Variants in CDH12 observed in about 807,000 individuals in gnomAD.
The protein encoded by CDH12 is cadherin-12.
In CDH12, 41 loss-of-function variants were observed where a neutral mutation model predicts 74.1. The observed-to-expected ratio is 0.55, with a 90% CI of 0.43 to 0.72. The LOEUF (loss-of-function observed/expected upper bound fraction) is 0.72, where lower values mean the gene tolerates loss of function less well. CDH12 is among the 30% of genes least tolerant of loss of function. CDH12 has a pLI of 0.00. For missense variants in CDH12, 945 were observed against 977.2 expected, an observed-to-expected ratio of 0.97 and a Z score of 0.44; for synonymous variants, 399 against 355.0, an observed-to-expected ratio of 1.12 and a Z score of -1.39.
At chr5:21,901,043 G>T (rs1000565014) in intron 6 of CDH12, among the ~76,000 whole-genome samples, 6 of 152,106 alleles carry the variant, frequency 3.9e-5, no homozygotes, top group Non-Finnish European at 7.4e-5. Context: ...GAATTTAAAC[G>T]TTTGATTTAA....
chr5:21,758,876 G>GAAAC (rs1744553211), intron 13 of CDH12, among the ~76,000 whole-genome samples: 2 of 152,160 alleles, frequency 1.3e-5, no homozygotes, highest in African/African-American at 4.8e-5. Context: ...AGCAGAAAAC[G>GAAAC]AAACACCATA....
chr5:22,698,726 T>G (rs1221454761), intron 1 of CDH12, among the ~76,000 whole-genome samples: 5,187 of 16,366 alleles, frequency 0.32, 886 homozygotes, highest in Middle Eastern at 0.46. Flanking sequence ...TATATATATA[T>G]ATATATATAG....
At chr5:22,812,215 G>C (rs913252052) in intron 1 of CDH12, among the ~76,000 whole-genome samples, 1 of 152,070 alleles carries the variant, frequency 6.6e-6, no homozygotes, top group Non-Finnish European at 1.5e-5. Flanking sequence ...AAAAGCTGAG[G>C]CTCTCCGCTC....
intron 8 of CDH12, among the ~76,000 whole-genome samples, chr5:21,821,993 T>G: frequency 6.6e-6 from 1 of 151,904 alleles, no homozygotes; most frequent in South Asian, 2.1e-4. Flanking sequence ...GTAAACAACA[T>G]ATTGTGTGAG....
intron 5 of CDH12, among the ~76,000 whole-genome samples, chr5:22,055,922 AT>A (rs1157795147): frequency 1.3e-5 from 2 of 152,162 alleles, no homozygotes; most frequent in Non-Finnish European, 2.9e-5. Flanking sequence ...ATGTTTGCAC[AT>A]ATTGATAAAA....
At chr5:21,889,771 C>A in intron 6 of CDH12, 1 of 984,602 alleles carries the variant, frequency 1.0e-6, no homozygotes, top group East Asian at 1.1e-4. Context: ...TAGGAAGTAA[C>A]CATGTCCATA....
chr5:22,382,837 TA>T (rs1249397832), intron 3 of CDH12, among the ~76,000 whole-genome samples: 12 of 152,042 alleles, frequency 7.9e-5, no homozygotes, highest in South Asian at 4.1e-4. Context: ...TTATTATTAT[TA>T]TTATTTTTTG....
At chr5:22,566,532 C>T (rs765459002) in intron 1 of CDH12, among the ~76,000 whole-genome samples, 11 of 152,072 alleles carry the variant, frequency 7.2e-5, no homozygotes, top group Non-Finnish European at 1.0e-4. Context: ...GCCACCGCGC[C>T]CAGCTACTAT....
At chr5:22,178,146 G>T (rs999863806) in intron 4 of CDH12, among the ~76,000 whole-genome samples, 2 of 152,132 alleles carry the variant, frequency 1.3e-5, no homozygotes, top group South Asian at 2.1e-4. Context: ...AGATCTAATT[G>T]GTCATGCCCC....
chr5:21,752,900 C>T lies in CDH12; in HGVS notation c.1886-664G>A, dbSNP rs535267286. ...TAAAGCATTAATTTCAATTCTGTGTCCTGCCATATTGAGAAAGTTTTTAAA... is the reference window on the plus strand; with the variant it reads ...TAAAGCATTAATTTCAATTCTGTGTTCTGCCATATTGAGAAAGTTTTTAAA... On this transcript the variant is annotated intron_variant, in intron 14 of 14. Coordinates refer to ENST00000382254, the MANE Select transcript of CDH12 (RefSeq NM_004061.5). 2.6e-5 allele frequency among the ~76,000 whole-genome samples: 4 copies of T among 152,238 alleles called. No homozygotes were observed. In the East Asian group the frequency reaches 7.7e-4, roughly 29 times the overall value.
intron 1 of CDH12, among the ~76,000 whole-genome samples, chr5:22,670,785 G>T (rs768754340): frequency 6.6e-5 from 10 of 151,812 alleles, no homozygotes; most frequent in Non-Finnish European, 1.5e-4. Context: ...TAGGTGTTTG[G>T]TTCCTCCCAT....
chr5:22,438,288 T>A (rs1248215797), intron 2 of CDH12, among the ~76,000 whole-genome samples: 1 of 152,038 alleles, frequency 6.6e-6, no homozygotes, highest in African/African-American at 2.4e-5. Context: ...TCATTTTTTC[T>A]CCTACAGAAT....
At chr5:22,445,507 C>T (rs144197034) in intron 2 of CDH12, among the ~76,000 whole-genome samples, 90 of 152,230 alleles carry the variant, frequency 5.9e-4, no homozygotes, top group Middle Eastern at 6.8e-3. Context: ...TTGAAATCTT[C>T]GCTTATTTTT....
At chr5:22,067,582 G>A (rs1256819852) in intron 5 of CDH12, among the ~76,000 whole-genome samples, 2 of 152,120 alleles carry the variant, frequency 1.3e-5, no homozygotes, top group Admixed American at 6.6e-5. Context: ...TAGGCTATAC[G>A]ATCCAGCAGG....
intron 2 of CDH12, among the ~76,000 whole-genome samples, chr5:22,427,737 A>C (rs1024431669): frequency 6.6e-6 from 1 of 152,196 alleles, no homozygotes; most frequent in African/African-American, 2.4e-5. Context: ...CACTCACATT[A>C]CAATAAGCAG....
intron 8 of CDH12, among the ~76,000 whole-genome samples, chr5:21,832,533 C>T (rs1040956093): frequency 5.3e-5 from 8 of 151,184 alleles, no homozygotes; most frequent in Non-Finnish European, 1.2e-4. Context: ...ATTTGGAAGA[C>T]GTCTAAACAA....
Position 22,837,965 on chromosome 5 carries a change from G to A in CDH12, c.-523+15093C>T, listed in dbSNP as rs779003227. Among the ~76,000 whole-genome samples the A allele has an allele frequency of 2.0e-5, 3 of 152,138 alleles. No individual in the cohort carries two copies. In the South Asian group the frequency reaches 6.2e-4, roughly 31 times the overall value. On this transcript the variant is annotated intron_variant, in intron 1 of 14. Coordinates refer to ENST00000382254, the MANE Select transcript of CDH12 (RefSeq NM_004061.5). ...GCATACTTCACAGATTCCTCTACCCGATGGTTGCTGATTGAGAATTGACCA... is the reference window on the plus strand; with the variant it reads ...GCATACTTCACAGATTCCTCTACCCAATGGTTGCTGATTGAGAATTGACCA...
At chr5:22,777,272 C>A (rs563721547) in intron 1 of CDH12, among the ~76,000 whole-genome samples, 1 of 152,252 alleles carries the variant, frequency 6.6e-6, no homozygotes, top group East Asian at 1.9e-4. Context: ...CACAAATCTT[C>A]ATTGCATTAC....
chr5:22,335,477 C>G (rs180773602), intron 3 of CDH12, among the ~76,000 whole-genome samples: 191 of 151,984 alleles, frequency 1.3e-3, no homozygotes, highest in African/African-American at 3.9e-3. Context: ...CCCAGCTACT[C>G]AGGAGACTGA....
Sources: gnomAD v4.1 joint callset for allele counts (sites outside exome capture counted in the v4.1 genomes callset) on GRCh38, gnomAD v4.1.1 for gene constraint, MANE v1.5 for transcripts, NCBI Gene and HGNC (gene_info 2026-07-23, HGNC 2026-07-21) for gene names.